Variants in CDH9 observed in about 807,000 individuals in gnomAD.
CDH9 encodes the protein cadherin-9.
Under a neutral mutation model 70.9 loss-of-function variants are expected in CDH9, and 28 were observed. That is an observed-to-expected ratio of 0.40 (90% CI 0.29 to 0.54). CDH9 has a LOEUF of 0.54. Ranked by LOEUF, CDH9 falls within the 20% of genes least tolerant of loss-of-function variation. CDH9 has a pLI of 0.59. For missense variants in CDH9, 874 were observed against 984.4 expected (o/e 0.89, Z 1.50); for synonymous variants, 409 against 343.1 (o/e 1.19, Z -2.12).
intron 3 of CDH9, among the ~76,000 whole-genome samples, chr5:26,915,021 C>A (rs1741123403): frequency 6.6e-6 from 1 of 151,978 alleles, no homozygotes; most frequent in Non-Finnish European, 1.5e-5. Flanking sequence ...CAATTATTTT[C>A]AGTTTGCATA....
chr5:26,926,197 C>T (rs1047149107), intron 2 of CDH9, among the ~76,000 whole-genome samples: 3 of 152,092 alleles, frequency 2.0e-5, no homozygotes, highest in African/African-American at 4.8e-5. Context: ...AAAACCCCAT[C>T]GTCTCAGCCC....
intron 1 of CDH9, among the ~76,000 whole-genome samples, chr5:27,020,347 C>T (rs956484594): frequency 6.6e-6 from 1 of 151,402 alleles, no homozygotes; most frequent in African/African-American, 2.4e-5. Context: ...AATTACTTAA[C>T]TTCTTTTTTT....
At chr5:26,974,056 C>A (rs1742264481) in intron 2 of CDH9, among the ~76,000 whole-genome samples, 2 of 152,062 alleles carry the variant, frequency 1.3e-5, no homozygotes, top group Admixed American at 1.3e-4. Flanking sequence ...ACCAGCCTAG[C>A]TAACATGGTG....
intron 2 of CDH9, among the ~76,000 whole-genome samples, chr5:26,926,980 A>G (rs1393129848): frequency 6.8e-6 from 1 of 146,594 alleles, no homozygotes; most frequent in Non-Finnish European, 1.5e-5. Flanking sequence ...AAAATCCTTG[A>G]TAAATATTGA....
At chr5:26,919,880 CA>C (rs1264691429) in intron 2 of CDH9, among the ~76,000 whole-genome samples, 1 of 152,122 alleles carries the variant, frequency 6.6e-6, no homozygotes, top group African/African-American at 2.4e-5. Context: ...CCTGAATTAT[CA>C]GCAGTGGTAG....
intron 2 of CDH9, among the ~76,000 whole-genome samples, chr5:26,952,310 G>T (rs1442193327): frequency 6.7e-6 from 1 of 149,320 alleles, no homozygotes; most frequent in Middle Eastern, 3.2e-3. Flanking sequence ...TGAGAGGGAG[G>T]TCCCTTAAGA....
intron 7 of CDH9, among the ~76,000 whole-genome samples, chr5:26,896,661 C>A (rs1740757074): frequency 1.3e-5 from 2 of 151,756 alleles, no homozygotes; most frequent in Non-Finnish European, 2.9e-5. Context: ...TGGGACACAG[C>A]TAAAGCAGTG....
intron 8 of CDH9, 31 bp downstream of exon 8, chr5:26,890,397 G>T: frequency 6.3e-7 from 1 of 1,596,994 alleles, no homozygotes; most frequent in African/African-American, 1.3e-5. Flanking sequence ...ATGAAAGACA[G>T]TGTCTTCGGG....
At chr5:27,024,285 C>A (rs1743186175) in intron 1 of CDH9, among the ~76,000 whole-genome samples, 1 of 151,828 alleles carries the variant, frequency 6.6e-6, no homozygotes, top group African/African-American at 2.4e-5. Flanking sequence ...AACTATTTTT[C>A]AATTTTTTCA....
rs2111961572 is a variant in CDH9 at position 26,881,536 on chromosome 5, A to G, written c.1970T>C (p.Val657Ala). ...CCCGCCGCCTTCATCGTTGTAGGTC[A>G]CAATGTTGTCCCGGACATCGTCTTT... ...ISKDDVRDNIVTYNDEGGGEE... is the reference protein window; with the variant it reads ...ISKDDVRDNIATYNDEGGGEE... Residue 657 changes from valine to alanine, a missense_variant, in exon 12 of 12, where the codon GTG (valine) becomes GCG (alanine). Val to Ala is a moderately conservative substitution (Grantham distance 64). Coordinates refer to ENST00000231021, the MANE Select transcript of CDH9 (RefSeq NM_016279.4). 6.2e-7 allele frequency: 1 copy of G among 1,613,778 alleles called. No individual in the cohort carries two copies. Among genetic ancestry groups the G allele is most frequent in the Non-Finnish European group, 8.5e-7 (1 of 1,179,794 alleles).
Position 26,881,057 on chromosome 5 carries a change from C to T in CDH9, c.*79G>A, listed in dbSNP as rs1294347284. ...ACTTCAATTTTTGAAAGATTTCCTC[C>T]CAGGAAGAGAATGCAGGCCACTCAA... is the stretch of plus-strand genomic sequence containing the variant. On this transcript the variant is annotated 3_prime_UTR_variant, in exon 12 of 12. Coordinates refer to ENST00000231021, the MANE Select transcript of CDH9 (RefSeq NM_016279.4). 4 of 1,325,636 alleles carry T rather than the reference C, an allele frequency of 3.0e-6. No individual in the cohort carries two copies. In the Admixed American group the frequency reaches 9.5e-5, roughly 32 times the overall value. The allele number at this position is 1,325,636 out of a possible 1,614,324, so 82.1% of individuals were successfully genotyped here.
chr5:27,001,836 A>ACTCTCTCTCTCTCT (rs1422833082), intron 1 of CDH9, among the ~76,000 whole-genome samples: 42 of 124,794 alleles, frequency 3.4e-4, no homozygotes, highest in African/African-American at 1.4e-3. Context: ...ACATACACAC[A>ACTCTCTCTCTCTCT]CACACACACT....
At chr5:26,888,588 T>C (rs1188031747) in intron 9 of CDH9, among the ~76,000 whole-genome samples, 18 of 152,338 alleles carry the variant, frequency 1.2e-4, no homozygotes, top group Non-Finnish European at 4.4e-5. Context: ...AATTCCATGT[T>C]ATTACAAATA....
At chr5:26,923,069 T>TAA (rs56883597) in intron 2 of CDH9, among the ~76,000 whole-genome samples, 9,814 of 94,636 alleles carry the variant, frequency 0.1, 490 homozygotes, top group Middle Eastern at 0.22. Context: ...TTACATGAAT[T>TAA]AAAAAAAAAA....
At chr5:27,002,964 A>G (rs1742797850) in intron 1 of CDH9, among the ~76,000 whole-genome samples, 1 of 152,054 alleles carries the variant, frequency 6.6e-6, no homozygotes, top group African/African-American at 2.4e-5. Context: ...TAAAAAGACA[A>G]AAAAAAGAAG....
intron 1 of CDH9, among the ~76,000 whole-genome samples, chr5:27,021,580 T>A (rs1579517759): frequency 6.6e-6 from 1 of 151,976 alleles, no homozygotes. Context: ...GTATAAAATA[T>A]GATGCAGTTA....
chr5:26,960,665 A>C (rs1276870364), intron 2 of CDH9, among the ~76,000 whole-genome samples: 1 of 152,030 alleles, frequency 6.6e-6, no homozygotes, highest in Non-Finnish European at 1.5e-5. Context: ...TATATGCACT[A>C]GTATATACTA....
intron 2 of CDH9, among the ~76,000 whole-genome samples, chr5:26,920,078 G>A (rs1472826626): frequency 6.6e-6 from 1 of 152,020 alleles, no homozygotes; most frequent in Non-Finnish European, 1.5e-5. Context: ...AAGTAATCCT[G>A]GGGTACCAAT....
chr5:27,003,086 T>C (rs946024493), intron 1 of CDH9, among the ~76,000 whole-genome samples: 1 of 152,124 alleles, frequency 6.6e-6, no homozygotes, highest in Non-Finnish European at 1.5e-5. Context: ...TTGAAATATT[T>C]ACGTTATTCT....
Sources: gnomAD v4.1 joint callset for allele counts (sites outside exome capture counted in the v4.1 genomes callset) on GRCh38, gnomAD v4.1.1 for gene constraint, MANE v1.5 for transcripts, NCBI Gene and HGNC (gene_info 2026-07-23, HGNC 2026-07-21) for gene names.